The following IPCEF1 variants were observed in gnomAD, a reference collection of about 807,000 sequenced individuals.
IPCEF1 encodes the protein interaction protein for cytohesin exchange factors 1, also known as interactor protein for cytohesin exchange factors 1.
Under a neutral mutation model 50.9 loss-of-function variants are expected in IPCEF1, and 31 were observed. The ratio of observed to expected loss-of-function variants is 0.61; its 90% confidence interval spans 0.46 to 0.82. The LOEUF is 0.82. Among genes scored for constraint, IPCEF1 ranks in the 40% least tolerant of loss-of-function variants. The pLI is 0.00. For synonymous variants in IPCEF1, 181 were observed against 192.0 expected (o/e 0.94, Z 0.47); for missense variants, 458 against 514.0 (o/e 0.89, Z 1.05).
At chr6:154,214,130 T>C in intron 8 of IPCEF1, 88 bp downstream of exon 8, 1 of 864,354 alleles carries the variant, frequency 1.2e-6, no homozygotes, top group Non-Finnish European at 2.0e-6. Flanking sequence ...GATCAGACTA[T>C]ACATAGAACT....
At chr6:154,183,669 C>T (rs1398781963) in intron 10 of IPCEF1, among the ~76,000 whole-genome samples, 1 of 152,074 alleles carries the variant, frequency 6.6e-6, no homozygotes, top group East Asian at 1.9e-4. Context: ...GAGGCCGAGG[C>T]AGGCAGATCA....
chr6:154,161,571 C>T (rs1799021677), intron 11 of IPCEF1, among the ~76,000 whole-genome samples: 1 of 152,148 alleles, frequency 6.6e-6, no homozygotes, highest in African/African-American at 2.4e-5. Context: ...TCCAGGAAAC[C>T]TTCCCTGCAC....
intron 1 of IPCEF1, among the ~76,000 whole-genome samples, chr6:154,328,852 G>A (rs899853182): frequency 5.9e-5 from 9 of 152,110 alleles, no homozygotes; most frequent in African/African-American, 2.2e-4. Context: ...TGAAGCATTC[G>A]ATGTTATTGC....
chr6:154,226,323 G>T (rs1038223475), intron 5 of IPCEF1, among the ~76,000 whole-genome samples: 3 of 152,144 alleles, frequency 2.0e-5, no homozygotes, highest in African/African-American at 7.2e-5. Context: ...TGCCTAGTAA[G>T]CCTATTCCCA....
intron 1 of IPCEF1, among the ~76,000 whole-genome samples, chr6:154,328,354 G>C (rs1783574432): frequency 6.6e-6 from 1 of 152,150 alleles, no homozygotes; most frequent in African/African-American, 2.4e-5. Context: ...AATCAACTGG[G>C]AAATACTGCT....
At chr6:154,184,690 T>C (rs1801184936) in intron 10 of IPCEF1, among the ~76,000 whole-genome samples, 1 of 152,032 alleles carries the variant, frequency 6.6e-6, no homozygotes, top group Admixed American at 6.5e-5. Context: ...TTTTTTCGAA[T>C]GAATGAATGG....
rs571840509 is a variant in IPCEF1 at position 154,331,191 on chromosome 6, C to T, written c.-62+25481G>A. Among the ~76,000 whole-genome samples, 24 of 151,910 alleles carry T rather than the reference C, an allele frequency of 1.6e-4. 1 individual carries two copies. The highest frequency in any genetic ancestry group is 1.4e-3 in the East Asian group (7 of 5,184). On this transcript the variant is annotated intron_variant, in intron 1 of 11. Coordinates refer to ENST00000367220, the MANE Select transcript of IPCEF1 (RefSeq NM_001130700.2). ...CTGAAGCAGGAGAATTCCTTGAACC[C>T]GGGAAGTGGAGGCTGCAGTAAGCTG...
At chr6:154,344,156 CTCTG>C (rs1783978536) in intron 1 of IPCEF1, among the ~76,000 whole-genome samples, 1 of 152,208 alleles carries the variant, frequency 6.6e-6, no homozygotes, top group Admixed American at 6.5e-5. Context: ...GCACCTCTCC[CTCTG>C]TCTGTGTACA....
chr6:154,349,378 A>G (rs570352208), intron 1 of IPCEF1, among the ~76,000 whole-genome samples: 16 of 150,034 alleles, frequency 1.1e-4, no homozygotes, highest in African/African-American at 3.7e-4. Context: ...ATTTTATTTT[A>G]TTTTATTTTA....
intron 10 of IPCEF1, among the ~76,000 whole-genome samples, chr6:154,194,896 A>G (rs945050307): frequency 2.6e-5 from 4 of 152,114 alleles, no homozygotes; most frequent in Admixed American, 1.3e-4. Flanking sequence ...GGTTTTCCCA[A>G]CATCAAATGA....
chr6:154,281,183 A>G (rs9478529), intron 2 of IPCEF1, among the ~76,000 whole-genome samples: 1 of 118,192 alleles, frequency 8.5e-6, no homozygotes, highest in African/African-American at 4.4e-5. Flanking sequence ...CTACTAAAAT[A>G]CAAAAAAAAA....
chr6:154,330,253 A>G (rs1783625208), intron 1 of IPCEF1, among the ~76,000 whole-genome samples: 1 of 152,066 alleles, frequency 6.6e-6, no homozygotes, highest in African/African-American at 2.4e-5. Context: ...CCTGAAAGAA[A>G]ATGGGGTGGG....
At chr6:154,166,869 G>A (rs974608170) in intron 11 of IPCEF1, among the ~76,000 whole-genome samples, 1 of 152,198 alleles carries the variant, frequency 6.6e-6, no homozygotes, top group African/African-American at 2.4e-5. Context: ...GGCGGCCAGT[G>A]ATATCTTTTA....
chr6:154,193,231 A>G (rs913260016), intron 10 of IPCEF1, among the ~76,000 whole-genome samples: 7 of 152,212 alleles, frequency 4.6e-5, no homozygotes, highest in African/African-American at 1.7e-4. Flanking sequence ...CCTTGGATGG[A>G]ATTGGAGGCC....
intron 1 of IPCEF1, among the ~76,000 whole-genome samples, chr6:154,321,778 TAAAAAAAAAAA>T (rs61648946): frequency 3.9e-5 from 2 of 51,936 alleles, no homozygotes; most frequent in Non-Finnish European, 8.3e-5. Context: ...AGACTCTTTC[TAAAAAAAAAAA>T]AAAAAAAAAA....
At chr6:154,345,084 G>A (rs950884651) in intron 1 of IPCEF1, among the ~76,000 whole-genome samples, 5 of 152,164 alleles carry the variant, frequency 3.3e-5, no homozygotes, top group Non-Finnish European at 7.3e-5. Context: ...TGCCCAGGCT[G>A]GTCTCAAACT....
At chr6:154,194,166 G>A (rs551288416) in intron 10 of IPCEF1, among the ~76,000 whole-genome samples, 242 of 152,294 alleles carry the variant, frequency 1.6e-3, no homozygotes, top group African/African-American at 5.5e-3. Context: ...TTGGGAGGCC[G>A]AGGCGGGTGG....
In IPCEF1 at chr6:154,159,722, G is replaced by A. The variant is rs1798857487; in HGVS notation, c.*106C>T. Reference sequence around the variant, plus strand: ...ATCTTTAGATGGGAAGCTGATGCTTGAAGGACTGGGTTTCAGTTTTCCTTT... The same window carrying A: ...ATCTTTAGATGGGAAGCTGATGCTTAAAGGACTGGGTTTCAGTTTTCCTTT... On this transcript the variant is annotated 3_prime_UTR_variant, in exon 12 of 12. Coordinates refer to ENST00000367220, the MANE Select transcript of IPCEF1 (RefSeq NM_001130700.2). The A allele has an allele frequency of 1.2e-6, 1 of 812,516 alleles. No individual in the cohort carries two copies. The highest frequency in any genetic ancestry group is 2.6e-5 in the East Asian group (1 of 37,968). 50.3% of individuals were successfully genotyped at this position (812,516 alleles called of 1,614,324 possible).
intron 1 of IPCEF1, among the ~76,000 whole-genome samples, chr6:154,305,069 G>T (rs61315572): frequency 0.12 from 18,549 of 151,362 alleles, 2,286 homozygotes; most frequent in African/African-American, 0.32. Flanking sequence ...AGCTGAGATT[G>T]TGCCACTGCA....
Sources: gnomAD v4.1 joint callset for allele counts (sites outside exome capture counted in the v4.1 genomes callset) on GRCh38, gnomAD v4.1.1 for gene constraint, MANE v1.5 for transcripts, NCBI Gene and HGNC (gene_info 2026-07-23, HGNC 2026-07-21) for gene names.